PRKD1: variants seen among roughly 807,000 people sequenced by gnomAD.
The protein encoded by PRKD1 is serine/threonine-protein kinase D1.
Under a neutral mutation model 95.9 loss-of-function variants are expected in PRKD1, and 63 were observed. The ratio of observed to expected loss-of-function variants is 0.66; its 90% CI spans 0.54 to 0.81. The LOEUF (loss-of-function observed/expected upper bound fraction) is 0.81. PRKD1 is among the 30% of genes least tolerant of loss of function. The pLI, the probability that PRKD1 is intolerant of heterozygous loss-of-function variation, is 0.00. For missense variants in PRKD1, 1,048 were observed against 1,165.3 expected (o/e 0.90, Z 1.47); for synonymous variants, 425 against 423.1 (o/e 1.00, Z -0.05).
At chr14:29,912,342 C>A (rs1894746230) in intron 1 of PRKD1, among the ~76,000 whole-genome samples, 1 of 152,056 alleles carries the variant, frequency 6.6e-6, no homozygotes, top group Non-Finnish European at 1.5e-5. Flanking sequence ...GTATAAAAAT[C>A]ATAATTTTCC....
At chr14:29,669,984 T>C (rs1882749140) in intron 2 of PRKD1, among the ~76,000 whole-genome samples, 1 of 152,252 alleles carries the variant, frequency 6.6e-6, no homozygotes. Flanking sequence ...AATCAGTTTA[T>C]TGCATTTGTG....
At chr14:29,613,553 T>TA (rs1284270496) in intron 13 of PRKD1, among the ~76,000 whole-genome samples, 3 of 152,234 alleles carry the variant, frequency 2.0e-5, no homozygotes, top group African/African-American at 4.8e-5. Flanking sequence ...ATTTACTGAG[T>TA]GCCTTCCAGG....
At chr14:29,792,815 A>C (rs1247272385) in intron 1 of PRKD1, among the ~76,000 whole-genome samples, 1 of 152,084 alleles carries the variant, frequency 6.6e-6, no homozygotes, top group African/African-American at 2.4e-5. Context: ...TAGACGGAAA[A>C]AATAATTCAA....
chr14:29,735,234 G>C (rs1441416548), intron 1 of PRKD1, among the ~76,000 whole-genome samples: 1 of 152,116 alleles, frequency 6.6e-6, no homozygotes, highest in Non-Finnish European at 1.5e-5. Flanking sequence ...TGGTAAGAGT[G>C]CATTTTTAGG....
At chr14:29,904,482 T>C (rs1894427557) in intron 1 of PRKD1, among the ~76,000 whole-genome samples, 1 of 152,210 alleles carries the variant, frequency 6.6e-6, no homozygotes, top group Non-Finnish European at 1.5e-5. Flanking sequence ...TTTTGCAAAT[T>C]AAATGTATTA....
chr14:29,836,300 A>C, intron 1 of PRKD1, among the ~76,000 whole-genome samples: 1 of 152,198 alleles, frequency 6.6e-6, no homozygotes, highest in Non-Finnish European at 1.5e-5. Context: ...AGATTTTTGA[A>C]CCATTAAGTC....
Position 29,927,389 on chromosome 14 carries a change from C to T in PRKD1, c.124G>A (p.Val42Ile), listed in dbSNP as rs1347848366. Residue 42 changes from valine to isoleucine, a missense_variant, in exon 1 of 18, where the codon GTC becomes ATC. Physicochemically the swap from Val to Ile is conservative, Grantham distance 29 (BLOSUM62 3). This residue lies in a region of PRKD1 where 275 missense variants were observed against 248.6 expected (regional missense o/e 1.11). Transcript: ENST00000331968. ...GPGPAPFLAP[V>I]AAPVGGISFH... ...GAGATGCCCCCGACCGGGGCCGCGA[C>T]AGGAGCCAAGAACGGCGCGGGCCCG... is the stretch of plus-strand genomic sequence containing the variant. The T allele has an allele frequency of 1.3e-6, 2 of 1,551,218 alleles. No individual in the cohort carries two copies. The highest frequency in any genetic ancestry group is 3.8e-5 in the Admixed American group (2 of 53,042).
intron 1 of PRKD1, among the ~76,000 whole-genome samples, chr14:29,892,406 C>T (rs12890800): frequency 6.8e-6 from 1 of 146,578 alleles, no homozygotes; most frequent in Non-Finnish European, 1.5e-5. Context: ...CCTTTTTCCA[C>T]TAAATGTGAA....
chr14:29,785,220 A>G (rs1889213586), intron 1 of PRKD1, among the ~76,000 whole-genome samples: 1 of 152,180 alleles, frequency 6.6e-6, no homozygotes. Context: ...TTGTAAACTG[A>G]TATTGCCAAT....
At chr14:29,923,227 CAAAA>C (rs33966435) in intron 1 of PRKD1, among the ~76,000 whole-genome samples, 3,319 of 88,768 alleles carry the variant, frequency 0.037, 126 homozygotes, top group African/African-American at 0.094. Context: ...GAGATTCTGT[CAAAA>C]AAAAAAAAAA....
chr14:29,860,510 T>G (rs543661519), intron 1 of PRKD1, among the ~76,000 whole-genome samples: 12 of 152,292 alleles, frequency 7.9e-5, no homozygotes, highest in Admixed American at 3.9e-4. Context: ...TACATTGAGA[T>G]ATCACGTTAA....
intron 1 of PRKD1, among the ~76,000 whole-genome samples, chr14:29,914,698 C>G (rs1313433325): frequency 6.6e-6 from 1 of 152,100 alleles, no homozygotes; most frequent in Non-Finnish European, 1.5e-5. Flanking sequence ...ACACTGCACT[C>G]CAGTCTGGGG....
chr14:29,860,089 T>C (rs1892652513), intron 1 of PRKD1, among the ~76,000 whole-genome samples: 1 of 152,240 alleles, frequency 6.6e-6, no homozygotes, highest in African/African-American at 2.4e-5. Context: ...GCTTAAGTAG[T>C]AGTTTTGAAA....
At position 29,732,627 on chromosome 14, in the gene PRKD1, T is replaced by C. The variant is rs189454434; in HGVS notation, c.265-6953A>G. ...TTTCTTCCATCTGATGAATTTTCTT[T>C]AGTATTTCATAAAAGCTGGATGGCA... On this transcript the variant is annotated intron_variant, in intron 1 of 17. Coordinates refer to ENST00000331968, the MANE Select transcript of PRKD1 (RefSeq NM_002742.3). Among the ~76,000 whole-genome samples, 956 of 152,336 alleles carry C rather than the reference T, an allele frequency of 6.3e-3. 18 individuals carry two copies. Among genetic ancestry groups the C allele is most frequent in the Admixed American group, 0.04 (605 of 15,306 alleles).
intron 1 of PRKD1, among the ~76,000 whole-genome samples, chr14:29,883,884 C>G (rs886101876): frequency 6.6e-6 from 1 of 152,186 alleles, no homozygotes; most frequent in Non-Finnish European, 1.5e-5. Flanking sequence ...CTGTCAGCAT[C>G]TGACCCTGTT....
intron 4 of PRKD1, among the ~76,000 whole-genome samples, chr14:29,658,678 G>C (rs777288910): frequency 3.9e-5 from 6 of 151,982 alleles, no homozygotes; most frequent in Non-Finnish European, 7.4e-5. Flanking sequence ...GTTTTTGTTT[G>C]GTTTTTCCCT....
chr14:29,884,653 T>C (rs1893632448), intron 1 of PRKD1, among the ~76,000 whole-genome samples: 1 of 152,170 alleles, frequency 6.6e-6, no homozygotes. Context: ...AGAAAGCCAA[T>C]GTCAACATAT....
chr14:29,883,179 C>T (rs921264910), intron 1 of PRKD1, among the ~76,000 whole-genome samples: 2 of 152,078 alleles, frequency 1.3e-5, no homozygotes, highest in African/African-American at 4.8e-5. Flanking sequence ...AACCAGATCC[C>T]ATGAGTATTC....
At chr14:29,749,794 T>TA (rs1296807368) in intron 1 of PRKD1, among the ~76,000 whole-genome samples, 5 of 152,170 alleles carry the variant, frequency 3.3e-5, no homozygotes, top group Admixed American at 3.3e-4. Context: ...GACTAATAGA[T>TA]AAAACCCTAT....
Sources: gnomAD v4.1 joint callset for allele counts (sites outside exome capture counted in the v4.1 genomes callset) on GRCh38, gnomAD v4.1.1 for gene constraint, gnomAD v4.1.1 regional missense constraint, MANE v1.5 for transcripts, NCBI Gene and HGNC (gene_info 2026-07-23, HGNC 2026-07-21) for gene names.